THSD7B: variants seen among roughly 807,000 people sequenced by gnomAD.
THSD7B encodes the protein thrombospondin type-1 domain-containing protein 7B.
In THSD7B, 138 loss-of-function variants were observed where a neutral mutation model predicts 213.6. The ratio of observed to expected loss-of-function variants is 0.65; its 90% CI spans 0.56 to 0.74. The LOEUF is 0.74. Among genes scored for constraint, THSD7B ranks in the 30% least tolerant of loss-of-function variants. THSD7B has a pLI of 0.00. For synonymous variants in THSD7B, 742 were observed against 687.0 expected (o/e 1.08, Z -1.25); for missense variants, 1,931 against 1,991.5 (o/e 0.97, Z 0.58).
chr2:137,391,231 C>T (rs545761882), intron 12 of THSD7B, among the ~76,000 whole-genome samples: 1 of 152,100 alleles, frequency 6.6e-6, no homozygotes, highest in Non-Finnish European at 1.5e-5. Context: ...TCTCAGTTTT[C>T]TCATTTGTGA....
Position 137,655,502 on chromosome 2 carries a change from G to T in THSD7B, c.3947G>T (p.Gly1316Val), listed in dbSNP as rs757187488. The T allele has an allele frequency of 1.9e-6, 3 of 1,610,652 alleles. No homozygotes were observed. Among genetic ancestry groups the T allele is most frequent in the Non-Finnish European group, 2.5e-6 (3 of 1,178,386 alleles). Residue 1316 changes from glycine to valine, a missense_variant and splice_region_variant, in exon 22 of 28, where the codon GGT (glycine) becomes GTT (valine). Transcript: ENST00000409968. ...TGAAAGTATCCTTTCCTCTCATAGG[G>T]TGGAGACTGTGGGGAAGGAGTTCAG... is the stretch of plus-strand genomic sequence containing the variant. ...LGNWSACKLE[G>V]GDCGEGVQIR...
At chr2:137,290,283 G>A (rs1683295470) in intron 12 of THSD7B, among the ~76,000 whole-genome samples, 1 of 152,008 alleles carries the variant, frequency 6.6e-6, no homozygotes, top group East Asian at 1.9e-4. Context: ...TAGAGAAAGG[G>A]TTTCACCGTA....
chr2:137,240,766 C>T (rs879876743), intron 9 of THSD7B, among the ~76,000 whole-genome samples: 8 of 152,274 alleles, frequency 5.3e-5, no homozygotes, highest in Admixed American at 3.9e-4. Flanking sequence ...ACTCTTGCCT[C>T]GGCCTCCCAA....
At chr2:137,305,590 G>C (rs966684758) in intron 12 of THSD7B, among the ~76,000 whole-genome samples, 1 of 152,106 alleles carries the variant, frequency 6.6e-6, no homozygotes, top group Non-Finnish European at 1.5e-5. Flanking sequence ...AAAATTGTAG[G>C]CTTAGCTGCT....
Position 137,663,575 on chromosome 2 carries a change from G to GGTGA in THSD7B, c.4651+3_4651+6dup, listed in dbSNP as rs1683393332. The stretch of plus-strand genomic sequence containing the variant: ...ATGGTCTCTTCAACCACTTGATCCA[G>GGTGA]GTGAGTTTCAGTTGTGAGTAAGAAA... On this transcript the variant is annotated frameshift_variant and splice_region_variant. Transcript: ENST00000409968. LOFTEE classifies it high-confidence loss of function. The GGTGA allele has an allele frequency of 1.2e-6, 2 of 1,601,282 alleles. No homozygotes were observed. Among genetic ancestry groups the GGTGA allele is most frequent in the Admixed American group, 1.7e-5 (1 of 58,384 alleles).
chr2:136,999,328 T>A (rs185497155), intron 2 of THSD7B, among the ~76,000 whole-genome samples: 1 of 152,286 alleles, frequency 6.6e-6, no homozygotes, highest in East Asian at 1.9e-4. Context: ...TTATCTAACC[T>A]TTGCTAGATC....
At chr2:137,614,358 A>G (rs934654998) in intron 17 of THSD7B, among the ~76,000 whole-genome samples, 2 of 152,118 alleles carry the variant, frequency 1.3e-5, no homozygotes, top group African/African-American at 4.8e-5. Context: ...TCAAGGTTAC[A>G]TAGTAATTTG....
chr2:136,857,046 A>G (rs1434906310), intron 1 of THSD7B, among the ~76,000 whole-genome samples: 2 of 152,240 alleles, frequency 1.3e-5, no homozygotes, highest in South Asian at 4.2e-4. Flanking sequence ...TGAAAATTTC[A>G]TTTTAGTTCA....
chr2:136,828,200 A>C (rs1424317849), intron 1 of THSD7B, among the ~76,000 whole-genome samples: 1 of 152,120 alleles, frequency 6.6e-6, no homozygotes, highest in East Asian at 1.9e-4. Context: ...GCCCCATCTT[A>C]ACCTCTCTAG....
intron 12 of THSD7B, among the ~76,000 whole-genome samples, chr2:137,305,628 C>A (rs531213657): frequency 6.6e-6 from 1 of 152,278 alleles, no homozygotes; most frequent in East Asian, 1.9e-4. Context: ...CAAGTCAGTA[C>A]ATCAGCAACA....
rs533706576 is a variant in THSD7B, at chr2:137,563,120, A to C, written c.3139-101A>C. The C allele has an allele frequency of 3.1e-6, 4 of 1,294,752 alleles. No homozygotes were observed. In the African/African-American group the frequency reaches 6.0e-5, roughly 19 times the overall value. The allele number at this position is 1,294,752 out of a possible 1,614,324, so 80.2% of individuals were successfully genotyped here. Reference sequence around the variant, plus strand: ...AATTTGGCTGTTTGGGCCAGAGTGCAGTTTCTTGGGTTATGTTCAGCAAGC... The same window carrying C: ...AATTTGGCTGTTTGGGCCAGAGTGCCGTTTCTTGGGTTATGTTCAGCAAGC... On this transcript the variant is annotated intron_variant, in intron 15 of 27. Transcript: ENST00000409968.
At chr2:137,050,112 G>T (rs1416603095) in intron 2 of THSD7B, among the ~76,000 whole-genome samples, 2 of 152,106 alleles carry the variant, frequency 1.3e-5, no homozygotes, top group Non-Finnish European at 2.9e-5. Context: ...AGATTCTCTT[G>T]CCACTCCTAC....
At position 137,223,168 on chromosome 2, in the gene THSD7B, C is replaced by T. The variant is rs1681409725; in HGVS notation, c.1724-7876C>T. Among the ~76,000 whole-genome samples the T allele has an allele frequency of 2.6e-5, 4 of 152,040 alleles. No homozygotes were observed. The South Asian group carries it at 8.3e-4, about 32-fold the overall frequency. On this transcript the variant is annotated intron_variant, in intron 7 of 27. Transcript: ENST00000409968. ...ATGGGCTGTGGAAATGTTGACTGCT[C>T]CAGGAAACTAGAACTGGCTTGAAGT... is the stretch of plus-strand genomic sequence containing the variant.
chr2:137,285,976 TGCC>T (rs1683165301), intron 12 of THSD7B, among the ~76,000 whole-genome samples: 1 of 151,200 alleles, frequency 6.6e-6, no homozygotes, highest in African/African-American at 2.4e-5. Flanking sequence ...CGGTGGTGGG[TGCC>T]GGTAATCCCA....
intron 1 of THSD7B, among the ~76,000 whole-genome samples, chr2:136,847,067 G>T (rs1285129475): frequency 6.6e-6 from 1 of 152,044 alleles, no homozygotes; most frequent in Admixed American, 6.6e-5. Context: ...AATTAAAGGT[G>T]GGAATGAAGA....
chr2:137,257,420 C>G (rs1476764959), intron 10 of THSD7B, among the ~76,000 whole-genome samples: 1 of 152,164 alleles, frequency 6.6e-6, no homozygotes, highest in South Asian at 2.1e-4. Context: ...TTTTTAGCCA[C>G]CTCTTCTGAG....
intron 10 of THSD7B, among the ~76,000 whole-genome samples, chr2:137,247,983 AC>A (rs749508915): frequency 1.3e-5 from 2 of 152,260 alleles, no homozygotes; most frequent in South Asian, 2.1e-4. Flanking sequence ...ATAGAAATTT[AC>A]TATTGTTTAT....
chr2:137,390,420 A>G (rs559328790), intron 12 of THSD7B, among the ~76,000 whole-genome samples: 1 of 152,114 alleles, frequency 6.6e-6, no homozygotes, highest in South Asian at 2.1e-4. Context: ...TATATATCAG[A>G]TCTAAGTTTT....
intron 1 of THSD7B, among the ~76,000 whole-genome samples, chr2:136,792,504 T>G (rs1681986106): frequency 6.6e-6 from 1 of 152,002 alleles, no homozygotes; most frequent in Non-Finnish European, 1.5e-5. Flanking sequence ...AACCCTGGTG[T>G]AAACGATGGG....
Sources: allele counts gnomAD v4.1 joint callset (sites outside exome capture counted in the v4.1 genomes callset), GRCh38; gene constraint gnomAD v4.1.1; transcripts MANE v1.5; gene names NCBI Gene and HGNC (gene_info 2026-07-23, HGNC 2026-07-21).